The following TRIM6 variants were observed in gnomAD, a reference collection of about 807,000 sequenced individuals.
TRIM6 encodes tripartite motif containing 6.
TRIM6 carries 43 observed loss-of-function variants against 51.2 expected under a neutral mutation model. The ratio of observed to expected loss-of-function variants is 0.84; its 90% CI spans 0.66 to 1.08. The LOEUF (loss-of-function observed/expected upper bound fraction) is 1.08. Among genes scored for constraint, TRIM6 ranks in the 50% least tolerant of loss-of-function variants. TRIM6 has a pLI of 0.00. For missense variants in TRIM6, 669 were observed against 619.0 expected, an observed-to-expected ratio of 1.08 and a Z score of -0.86; for synonymous variants, 215 against 232.4, an observed-to-expected ratio of 0.93 and a Z score of 0.68.
rs1848629625 is a variant in TRIM6, at chr11:5,612,883, T to A, written c.*1541T>A. 2 of 152,232 alleles carry A rather than the reference T, an allele frequency of 1.3e-5. No individual in the cohort carries two copies. The allele number at this position is 152,232 out of a possible 1,614,324, so 9.4% of individuals were successfully genotyped here. On this transcript the variant is annotated 3_prime_UTR_variant, in exon 8 of 8. Transcript: ENST00000380097. ...TAATGTAAAATATCTCACTAATAACTTTTCCTTTGTGTATTGCAATGATAA... is the reference window on the plus strand; with the variant it reads ...TAATGTAAAATATCTCACTAATAACATTTCCTTTGTGTATTGCAATGATAA...
intron 4 of TRIM6, among the ~76,000 whole-genome samples, chr11:5,607,176 C>G (rs1161233625): frequency 6.6e-6 from 1 of 152,080 alleles, no homozygotes; most frequent in Non-Finnish European, 1.5e-5. Context: ...TGCACTCCAG[C>G]CTGGGCGACA....
At chr11:5,604,926 T>C (rs1848117088) in intron 3 of TRIM6, 1 of 436,380 alleles carries the variant, frequency 2.3e-6, no homozygotes, top group Non-Finnish European at 4.1e-6. Context: ...GCTTTTCCCT[T>C]GCATTCAGAG....
intron 5 of TRIM6, among the ~76,000 whole-genome samples, chr11:5,609,451 G>C (rs1009247550): frequency 1.3e-5 from 2 of 152,260 alleles, no homozygotes; most frequent in East Asian, 3.9e-4. Flanking sequence ...TGTTCTGCCT[G>C]TCAACCCAGA....
chr11:5,611,383 G>C lies in TRIM6; in HGVS notation c.*41G>C. The C allele has an allele frequency of 7.1e-7, 1 of 1,405,268 alleles. No individual in the cohort carries two copies. The highest frequency in any genetic ancestry group is 1.4e-5 in the African/African-American group (1 of 69,790). The allele number at this position is 1,405,268 out of a possible 1,614,324, so 87.0% of individuals were successfully genotyped here. A position where few individuals can be genotyped will look rare whatever the true frequency, so the allele number is the denominator to read the frequency against. On this transcript the variant is annotated 3_prime_UTR_variant, in exon 8 of 8. Transcript: ENST00000380097. The stretch of plus-strand genomic sequence containing the variant: ...CACCCACTTCTGATAAGTACCCTGA[G>C]GCTTATCAGCATGTGATTCTCCCTT...
rs1430724646 is a variant in TRIM6 at position 5,609,779 on chromosome 11, C to T, written c.858-366C>T. 3.3e-5 allele frequency among the ~76,000 whole-genome samples: 5 copies of T among 152,154 alleles called. No individual in the cohort carries two copies. In the Middle Eastern group the frequency reaches 0.01, roughly 311 times the overall value. ...CTACTAAATATACAAGAAAATTAGC[C>T]AGGCGTGGTGGCACGCGCCTGTAGT... On this transcript the variant is annotated intron_variant, in intron 5 of 7. Transcript: ENST00000380097.
chr11:5,596,567 CA>C (rs1847475821), upstream of TRIM6: 1 of 132,398 alleles, frequency 7.6e-6, no homozygotes, highest in African/African-American at 2.8e-5. Context: ...TCCCCTCCCC[CA>C]TCTCCAGCCT....
In TRIM6 at chr11:5,612,463, G is replaced by T. The variant is rs1343107205; in HGVS notation, c.*1121G>T. On this transcript the variant is annotated 3_prime_UTR_variant, in exon 8 of 8. Transcript: ENST00000380097. ...TAATTGCAGTAAAAACAAAAGAGTAGTGGGGAGAGAAAAACAATCCAATAC... is the reference window on the plus strand; with the variant it reads ...TAATTGCAGTAAAAACAAAAGAGTATTGGGGAGAGAAAAACAATCCAATAC... The T allele has an allele frequency of 4.6e-5, 7 of 152,144 alleles. No individual in the cohort carries two copies. The highest frequency in any genetic ancestry group is 4.4e-5 in the Non-Finnish European group (3 of 68,028). The allele number at this position is 152,144 out of a possible 1,614,324, so 9.4% of individuals were successfully genotyped here.
rs769234040 is a variant in TRIM6 at position 5,605,557 on chromosome 11, A to T, written c.824A>T (p.Glu275Val). The part of the protein sequence containing the change: ...LERRCQGSTM[E>V]LLQDVSDVTE... ...CGTCGATGTCAGGGGTCAACAATGG[A>T]GCTGCTGCAGGTAAGGCTTGTGAAG... The change falls in exon 4 of 8, where the codon GAG (glutamate) becomes GTG (valine). Residue 275 changes from glutamate to valine, a missense_variant. Coordinates refer to ENST00000380097, the MANE Select transcript of TRIM6 (RefSeq NM_001003818.3). The T allele has an allele frequency of 1.9e-6, 3 of 1,612,700 alleles. No individual in the cohort carries two copies. Among genetic ancestry groups the T allele is most frequent in the South Asian group, 2.2e-5 (2 of 90,924 alleles).
At position 5,612,491 on chromosome 11, in the gene TRIM6, A is replaced by ATTT. The variant is rs1321160639; in HGVS notation, c.*1152_*1154dup. On this transcript the variant is annotated 3_prime_UTR_variant, in exon 8 of 8. Coordinates refer to ENST00000380097, the MANE Select transcript of TRIM6 (RefSeq NM_001003818.3). ...GGGAGAGAAAAACAATCCAATACAT[A>ATTT]TTTTTCTCTCAGAATAGAAAGAAAA... The ATTT allele has an allele frequency of 2.0e-5, 3 of 152,204 alleles. No individual in the cohort carries two copies. Among genetic ancestry groups the ATTT allele is most frequent in the African/African-American group, 7.2e-5 (3 of 41,456 alleles). 9.4% of individuals were successfully genotyped at this position (152,204 alleles called of 1,614,324 possible).
Position 5,603,342 on chromosome 11 carries a change from A to G in TRIM6, c.114A>G (p.Arg38=), listed in dbSNP as rs748826117. The G allele has an allele frequency of 1.2e-6, 2 of 1,613,876 alleles. No homozygotes were observed. Among genetic ancestry groups the G allele is most frequent in the Non-Finnish European group, 1.7e-6 (2 of 1,180,010 alleles). The change falls in exon 2 of 8, where the codon CGA becomes CGG. Residue 38 remains arginine (R), a synonymous_variant. Coordinates refer to ENST00000380097, the MANE Select transcript of TRIM6 (RefSeq NM_001003818.3). ...CTTCACCAGTACTGGTGGACATACG[A>G]GAAGAGGTGACCTGCCCTATCTGCC... is the stretch of plus-strand genomic sequence containing the variant. The part of the protein sequence containing the change: ...TMTSPVLVDI[R]EEVTCPICLE...
In TRIM6 at chr11:5,603,626, A is replaced by C. The variant is rs1182241868; in HGVS notation, c.398A>C (p.Gln133Pro). The change falls in exon 2 of 8, where the codon CAG (glutamine) becomes CCG (proline). Residue 133 changes from glutamine (Q) to proline (P), a missense_variant. Coordinates refer to ENST00000380097, the MANE Select transcript of TRIM6 (RefSeq NM_001003818.3). ...TGTGCAGACCATGGAGAAAAACTGC[A>C]GCTCTTCTGTCAGGAGGATGGGAAG... Reference protein sequence around the residue: ...VLCADHGEKLQLFCQEDGKVI... With the variant: ...VLCADHGEKLPLFCQEDGKVI... The C allele has an allele frequency of 6.2e-7, 1 of 1,613,780 alleles. No individual in the cohort carries two copies. Among genetic ancestry groups the C allele is most frequent in the South Asian group, 1.1e-5 (1 of 91,016 alleles).
At position 5,605,504 on chromosome 11, in the gene TRIM6, G is replaced by A. The variant is rs564295328; in HGVS notation, c.771G>A (p.Ser257=). Residue 257 remains serine, a synonymous_variant, in exon 4 of 8, where the codon TCG becomes TCA. Coordinates refer to ENST00000380097, the MANE Select transcript of TRIM6 (RefSeq NM_001003818.3). ...ATGATCTGGTCCACCAGACCCAGTC[G>A]CTGCGAGAGCTCATCTCGGATCTGG... ...AENDLVHQTQ[S]LRELISDLER... is the part of the protein sequence containing the mutation. The A allele has an allele frequency of 4.3e-6, 7 of 1,614,150 alleles. No individual in the cohort carries two copies. The highest frequency in any genetic ancestry group is 1.3e-5 in the African/African-American group (1 of 75,024).
intron 1 of TRIM6, among the ~76,000 whole-genome samples, chr11:5,601,153 A>G (rs1360125519): frequency 6.6e-6 from 1 of 152,192 alleles, no homozygotes; most frequent in Non-Finnish European, 1.5e-5. Flanking sequence ...ATCATCAAAT[A>G]GGATCTCTCT....
At position 5,610,742 on chromosome 11, in the gene TRIM6, G is replaced by C. The variant is rs3824950; in HGVS notation, c.986-35G>C. ...TCAGCATAACGAGACCCATGTCCCCGTTCTCATCTGCTGATGTTGTACCTT... is the reference window on the plus strand; with the variant it reads ...TCAGCATAACGAGACCCATGTCCCCCTTCTCATCTGCTGATGTTGTACCTT... On this transcript the variant is annotated intron_variant, in intron 7 of 7. Transcript: ENST00000380097. The C allele has an allele frequency of 4.2e-4, 668 of 1,605,134 alleles. 6 individuals carry two copies. The African/African-American group carries it at 8.0e-3, about 19-fold the overall frequency.
At chr11:5,597,919 A>T (rs1468498162) in intron 1 of TRIM6, among the ~76,000 whole-genome samples, 2 of 112,384 alleles carry the variant, frequency 1.8e-5, no homozygotes, top group Admixed American at 1.9e-4. Context: ...CACCTAGAGA[A>T]CTTTAATATT....
chr11:5,604,827 T>C (rs917104759), intron 3 of TRIM6, 198 bp downstream of exon 3: 2 of 544,536 alleles, frequency 3.7e-6, no homozygotes, highest in Admixed American at 7.0e-5. Flanking sequence ...AAACTGAACC[T>C]AGGAGACAAT....
chr11:5,606,493 C>T (rs959796288), intron 4 of TRIM6, among the ~76,000 whole-genome samples: 1 of 151,556 alleles, frequency 6.6e-6, no homozygotes, highest in Non-Finnish European at 1.5e-5. Context: ...TCCTCTTGCT[C>T]CTTCTTTCTT....
At chr11:5,610,423 G>C in intron 6 of TRIM6, 112 bp from the exon 7 acceptor site, 1 of 1,598,030 alleles carries the variant, frequency 6.3e-7, no homozygotes, top group Non-Finnish European at 8.5e-7. Context: ...AAATGGCCAG[G>C]TGACATCCTC....
At chr11:5,607,250 G>C (rs1416588966) in intron 4 of TRIM6, among the ~76,000 whole-genome samples, 2 of 152,038 alleles carry the variant, frequency 1.3e-5, no homozygotes, top group East Asian at 3.9e-4. Context: ...TCAAAATATG[G>C]ACATAAAGCC....
Sources: allele counts gnomAD v4.1 joint callset (sites outside exome capture counted in the v4.1 genomes callset), GRCh38; gene constraint gnomAD v4.1.1; transcripts MANE v1.5; gene names NCBI Gene and HGNC (gene_info 2026-07-23, HGNC 2026-07-21).